Variants in PCYT1A observed in about 807,000 individuals in gnomAD.
The protein encoded by PCYT1A is choline-phosphate cytidylyltransferase A.
PCYT1A carries 25 observed loss-of-function variants against 43.7 expected under a neutral mutation model. The observed-to-expected ratio is 0.57, with a 90% confidence interval of 0.42 to 0.80. The LOEUF is 0.80. Among genes scored for constraint, PCYT1A ranks in the 30% least tolerant of loss-of-function variants. PCYT1A has a pLI of 0.00. For synonymous variants in PCYT1A, 172 were observed against 170.7 expected, an observed-to-expected ratio of 1.01 and a Z score of -0.06; for missense variants, 421 against 474.2, an observed-to-expected ratio of 0.89 and a Z score of 1.04.
intron 1 of PCYT1A, 128 bp downstream of exon 1, chr3:196,287,487 G>GGGC (rs1725947127): frequency 4.6e-5 from 7 of 152,534 alleles, no homozygotes; most frequent in Non-Finnish European, 7.3e-5. Flanking sequence ...CTCGGTCACA[G>GGGC]TAGCCTCCCA....
chr3:196,273,469 G>C lies in PCYT1A; in HGVS notation c.-10-2928C>G, dbSNP rs1577373689. Among the ~76,000 whole-genome samples, 4 of 152,336 alleles carry C rather than the reference G, an allele frequency of 2.6e-5. 1 individual carries two copies. The highest frequency in any genetic ancestry group is 9.6e-5 in the African/African-American group (4 of 41,564). On this transcript the variant is annotated intron_variant, in intron 1 of 8. Coordinates refer to ENST00000431016, the MANE Select transcript of PCYT1A (RefSeq NM_001312673.2). This position sits in a 1 kb window ranked among gnomAD's most constrained non-coding sequence, Gnocchi z 4.1. ...ACAACTGGAGGACGAGCAAGGTGAAGAGGTGCTTTATTGAGCAACACAACA... is the reference window on the plus strand; with the variant it reads ...ACAACTGGAGGACGAGCAAGGTGAACAGGTGCTTTATTGAGCAACACAACA...
intron 5 of PCYT1A, among the ~76,000 whole-genome samples, chr3:196,245,999 T>C (rs1163678591): frequency 1.3e-5 from 2 of 150,514 alleles, no homozygotes; most frequent in African/African-American, 2.4e-5. Context: ...AGGTTGAGTA[T>C]ATATTGTTAA....
intron 1 of PCYT1A, among the ~76,000 whole-genome samples, chr3:196,276,597 C>T (rs550397238): frequency 1.6e-4 from 24 of 147,840 alleles, no homozygotes; most frequent in Non-Finnish European, 3.1e-4. Context: ...AGTGAGACTC[C>T]GTCTCAAAAA....
At position 196,239,539 on chromosome 3, in the gene PCYT1A, G is replaced by C. The variant is rs777970214; in HGVS notation, c.897+8C>G. 2.5e-6 allele frequency: 4 copies of C among 1,584,958 alleles called. No homozygotes were observed. Among genetic ancestry groups the C allele is most frequent in the Non-Finnish European group, 3.5e-6 (4 of 1,153,798 alleles). ...ACTCCCTACATTGTCCAGTGGGAAA[G>C]AACATACCAGTGCTCCTTCCGGACC... On this transcript the variant is annotated splice_region_variant and intron_variant, in intron 8 of 8. Transcript: ENST00000431016.
intron 2 of PCYT1A, among the ~76,000 whole-genome samples, chr3:196,258,495 C>A (rs557359895): frequency 5.9e-5 from 9 of 151,960 alleles, no homozygotes; most frequent in Admixed American, 4.6e-4. Context: ...ATTATCAGTT[C>A]TAGTATCCGT....
intron 2 of PCYT1A, among the ~76,000 whole-genome samples, chr3:196,265,998 C>T (rs1030216880): frequency 2.7e-5 from 4 of 149,926 alleles, no homozygotes; most frequent in East Asian, 2.1e-4. Flanking sequence ...CTCAGCCTCC[C>T]GAAGTGCTGG....
chr3:196,242,207 A>C lies in PCYT1A; in HGVS notation c.566-117T>G. On this transcript the variant is annotated intron_variant, in intron 6 of 8. Transcript: ENST00000431016. This position sits in a 1 kb window ranked among gnomAD's most constrained non-coding sequence, Gnocchi z 4.2. ...CTTTCCTCAAAAAGCAGAATCTGTT[A>C]TTACTAAATGAAACTGAAAGATACT... The C allele has an allele frequency of 9.7e-7, 1 of 1,032,666 alleles. No individual in the cohort carries two copies. The highest frequency in any genetic ancestry group is 1.5e-6 in the Non-Finnish European group (1 of 681,106). 64.0% of individuals were successfully genotyped at this position (1,032,666 alleles called of 1,614,324 possible).
intron 2 of PCYT1A, among the ~76,000 whole-genome samples, chr3:196,263,914 G>A (rs1456860992): frequency 6.6e-6 from 1 of 152,194 alleles, no homozygotes; most frequent in East Asian, 1.9e-4. Flanking sequence ...TTACGGGCAT[G>A]AGCCACTGCG....
intron 2 of PCYT1A, among the ~76,000 whole-genome samples, chr3:196,266,422 G>A (rs559037091): frequency 3.9e-5 from 6 of 151,958 alleles, no homozygotes; most frequent in South Asian, 4.2e-4. Context: ...GCAGTGAGCC[G>A]AGATCAGGCC....
rs1226081785 is a variant in PCYT1A, at chr3:196,252,556, G to A, written c.218-4233C>T. Among the ~76,000 whole-genome samples the A allele has an allele frequency of 6.6e-6, 1 of 152,160 alleles. No individual in the cohort carries two copies. Among genetic ancestry groups the A allele is most frequent in the Non-Finnish European group, 1.5e-5 (1 of 68,030 alleles). ...ATGCCCAGCCCAGGCTGGTTGTATT[G>A]ATTTTATAATACAGGAAATAAAAAT... On this transcript the variant is annotated intron_variant, in intron 3 of 8. Coordinates refer to ENST00000431016, the MANE Select transcript of PCYT1A (RefSeq NM_001312673.2). This position sits in a 1 kb window ranked among gnomAD's most constrained non-coding sequence, Gnocchi z 4.0.
At chr3:196,270,173 A>G (rs1431401519) in intron 2 of PCYT1A, among the ~76,000 whole-genome samples, 3 of 152,182 alleles carry the variant, frequency 2.0e-5, no homozygotes, top group Non-Finnish European at 1.5e-5. Context: ...ATATTTCAAT[A>G]GTTTCAGCCT....
At chr3:196,270,650 A>G in intron 1 of PCYT1A, 109 bp from the exon 2 acceptor site, 1 of 782,894 alleles carries the variant, frequency 1.3e-6, no homozygotes, top group South Asian at 1.4e-5. Context: ...TACCAATTCT[A>G]CAGCTGCACT....
At chr3:196,266,902 GGCTCAC>G (rs1439313311) in intron 2 of PCYT1A, among the ~76,000 whole-genome samples, 1 of 151,986 alleles carries the variant, frequency 6.6e-6, no homozygotes, top group African/African-American at 2.4e-5. Context: ...CGGGCACGGT[GGCTCAC>G]GCCTATAATC....
At chr3:196,256,768 G>A (rs999477903) in intron 3 of PCYT1A, among the ~76,000 whole-genome samples, 1 of 152,102 alleles carries the variant, frequency 6.6e-6, no homozygotes, top group Non-Finnish European at 1.5e-5. Flanking sequence ...TCGAACTCCT[G>A]ACATCAAGTG....
Position 196,242,153 on chromosome 3 carries a change from A to G in PCYT1A, c.566-63T>C. ...TCTGGTTAGCTCAGGTATTAAGACT[A>G]AATGGAAATTGGGGGCAACATTCCT... On this transcript the variant is annotated intron_variant, in intron 6 of 8. Transcript: ENST00000431016. This position sits in a 1 kb window ranked among gnomAD's most constrained non-coding sequence, Gnocchi z 4.2. 1 of 1,538,148 alleles carries G rather than the reference A, an allele frequency of 6.5e-7. No individual in the cohort carries two copies. The highest frequency in any genetic ancestry group is 1.7e-5 in the Admixed American group (1 of 59,136).
At chr3:196,256,179 G>A (rs1444380301) in intron 3 of PCYT1A, among the ~76,000 whole-genome samples, 2 of 152,184 alleles carry the variant, frequency 1.3e-5, no homozygotes, top group African/African-American at 4.8e-5. Flanking sequence ...CCAAGATAAG[G>A]CCAAAGGATA....
intron 3 of PCYT1A, among the ~76,000 whole-genome samples, chr3:196,250,297 C>A (rs544994257): frequency 1.3e-5 from 2 of 151,896 alleles, no homozygotes. Context: ...GGACCAGATA[C>A]ACTATGCTGA....
chr3:196,272,435 C>T (rs778501638), intron 1 of PCYT1A, among the ~76,000 whole-genome samples: 1 of 152,200 alleles, frequency 6.6e-6, no homozygotes, highest in Non-Finnish European at 1.5e-5. Flanking sequence ...CCACCTGCCT[C>T]GTCCTCCAAA....
At chr3:196,281,484 C>T (rs925014430) in intron 1 of PCYT1A, among the ~76,000 whole-genome samples, 2 of 152,180 alleles carry the variant, frequency 1.3e-5, no homozygotes, top group Admixed American at 6.5e-5. Flanking sequence ...AATTAAAATT[C>T]GATCAGAACA....
Sources: gnomAD v4.1 joint callset for allele counts (sites outside exome capture counted in the v4.1 genomes callset) on GRCh38, gnomAD v4.1.1 for gene constraint, Gnocchi (gnomAD v3.1) non-coding constraint, MANE v1.5 for transcripts, NCBI Gene and HGNC (gene_info 2026-07-23, HGNC 2026-07-21) for gene names.